The following SCHIP1 variants were observed in gnomAD, a reference collection of about 807,000 sequenced individuals.
SCHIP1 encodes schwannomin-interacting protein 1.
In SCHIP1, 8 loss-of-function variants were observed where a neutral mutation model predicts 29.7. The ratio of observed to expected loss-of-function variants is 0.27; its 90% CI spans 0.16 to 0.49. The LOEUF is 0.49. Ranked by LOEUF, SCHIP1 falls within the 20% of genes least tolerant of loss-of-function variation. The probability of loss-of-function intolerance (pLI) is 0.99; values close to 1 mark genes in which losing one functional copy is unlikely to be tolerated. For synonymous variants in SCHIP1, 76 were observed against 94.9 expected, an observed-to-expected ratio of 0.80 and a Z score of 1.16; for missense variants, 193 against 294.6, an observed-to-expected ratio of 0.66 and a Z score of 2.52.
At chr3:159,494,502 A>G in the SCHIP1 span, among the ~76,000 whole-genome samples, 1 of 152,218 alleles carries the variant, frequency 6.6e-6, no homozygotes, top group South Asian at 2.1e-4. Flanking sequence ...TAGAAAATCT[A>G]GAAGAAATGG....
the SCHIP1 span, among the ~76,000 whole-genome samples, chr3:159,790,676 A>C: frequency 6.6e-6 from 1 of 152,272 alleles, no homozygotes; most frequent in African/African-American, 2.4e-5. Context: ...ACAGAGCGAG[A>C]TTGTCTCAAA....
At chr3:159,693,964 C>A in the SCHIP1 span, among the ~76,000 whole-genome samples, 1 of 152,158 alleles carries the variant, frequency 6.6e-6, no homozygotes, top group Non-Finnish European at 1.5e-5. Context: ...CTGCTTGAAT[C>A]CTCGCTTTGT....
At chr3:159,687,283 C>T in the SCHIP1 span, among the ~76,000 whole-genome samples, 4 of 152,072 alleles carry the variant, frequency 2.6e-5, no homozygotes, top group African/African-American at 9.7e-5. Context: ...CCCACCAAGA[C>T]TCAACCAAAA....
the SCHIP1 span, among the ~76,000 whole-genome samples, chr3:159,485,773 T>C: frequency 5.9e-5 from 9 of 152,210 alleles, no homozygotes; most frequent in Non-Finnish European, 1.2e-4. Flanking sequence ...AAGTTCCTAA[T>C]GCATAGTAGG....
chr3:159,329,876 T>G, the SCHIP1 span, among the ~76,000 whole-genome samples: 1 of 152,084 alleles, frequency 6.6e-6, no homozygotes, highest in East Asian at 1.9e-4. Flanking sequence ...AGTATTTTTT[T>G]TTTTCAAAAA....
At chr3:159,419,068 A>C in the SCHIP1 span, among the ~76,000 whole-genome samples, 86,045 of 151,582 alleles carry the variant, frequency 0.57, 25,107 homozygotes, top group East Asian at 0.75. Context: ...TGCAAACAAA[A>C]AAAAACATGA....
chr3:159,760,570 G>A, the SCHIP1 span, among the ~76,000 whole-genome samples: 4 of 152,244 alleles, frequency 2.6e-5, no homozygotes, highest in African/African-American at 2.4e-5. Flanking sequence ...TCATAGGATC[G>A]AGGATTATAT....
At chr3:159,881,247 T>C (rs1033182293) in intron 2 of SCHIP1, among the ~76,000 whole-genome samples, 4 of 152,238 alleles carry the variant, frequency 2.6e-5, no homozygotes, top group Admixed American at 6.5e-5. Flanking sequence ...TTCATCACTT[T>C]TGAAATTCTC....
the SCHIP1 span, among the ~76,000 whole-genome samples, chr3:159,658,205 T>C: frequency 6.6e-6 from 1 of 152,070 alleles, no homozygotes; most frequent in East Asian, 1.9e-4. Context: ...TCTTCCCAAT[T>C]CAAAGACAAA....
chr3:159,610,593 C>T, the SCHIP1 span, among the ~76,000 whole-genome samples: 2 of 152,196 alleles, frequency 1.3e-5, no homozygotes, highest in African/African-American at 4.8e-5. Context: ...TCCTTTGCCA[C>T]ATCAAACACC....
At chr3:159,479,866 GCT>G in the SCHIP1 span, among the ~76,000 whole-genome samples, 2 of 152,282 alleles carry the variant, frequency 1.3e-5, no homozygotes, top group South Asian at 2.1e-4. Flanking sequence ...TCTATGCAAA[GCT>G]CTTTTCCTTA....
At chr3:159,662,372 C>T in the SCHIP1 span, among the ~76,000 whole-genome samples, 29,633 of 152,078 alleles carry the variant, frequency 0.19, 7,585 homozygotes, top group African/African-American at 0.59. Flanking sequence ...ATTAAATTTA[C>T]GTTTGAGTAC....
chr3:159,704,726 C>T, the SCHIP1 span, among the ~76,000 whole-genome samples: 190 of 152,150 alleles, frequency 1.2e-3, no homozygotes, highest in African/African-American at 4.5e-3. Context: ...CAAAAGTGTT[C>T]AGATTATGTT....
the SCHIP1 span, among the ~76,000 whole-genome samples, chr3:159,706,457 C>T: frequency 2.0e-5 from 3 of 152,298 alleles, no homozygotes; most frequent in Admixed American, 1.3e-4. Context: ...AAGTTGTCTG[C>T]AAACTCTGTA....
chr3:159,573,940 G>T, the SCHIP1 span, among the ~76,000 whole-genome samples: 1 of 152,168 alleles, frequency 6.6e-6, no homozygotes, highest in East Asian at 1.9e-4. Context: ...AAGTTCTCGT[G>T]CCATGGTTTT....
chr3:159,511,900 G>C, the SCHIP1 span, among the ~76,000 whole-genome samples: 7 of 152,090 alleles, frequency 4.6e-5, no homozygotes, highest in African/African-American at 1.7e-4. Flanking sequence ...CTTTTATTAG[G>C]AAAGTGTAGT....
chr3:159,364,866 A>G, the SCHIP1 span, among the ~76,000 whole-genome samples: 2 of 152,166 alleles, frequency 1.3e-5, no homozygotes, highest in Admixed American at 6.5e-5. Flanking sequence ...AATTTATGTC[A>G]TCAGATACTT....
At chr3:159,600,311 G>C in the SCHIP1 span, among the ~76,000 whole-genome samples, 1 of 152,124 alleles carries the variant, frequency 6.6e-6, no homozygotes, top group Non-Finnish European at 1.5e-5. Context: ...TTAATTTGCT[G>C]TTTTCAGGGA....
the SCHIP1 span, among the ~76,000 whole-genome samples, chr3:159,339,278 G>C: frequency 6.6e-6 from 1 of 151,240 alleles, no homozygotes; most frequent in Non-Finnish European, 1.5e-5. Flanking sequence ...AAAAACCTTG[G>C]TGTTCTTTAC....
Sources: allele counts gnomAD v4.1 joint callset (sites outside exome capture counted in the v4.1 genomes callset), GRCh38; gene constraint gnomAD v4.1.1; transcripts MANE v1.5; gene names NCBI Gene and HGNC (gene_info 2026-07-23, HGNC 2026-07-21).